The following USP44 variants were observed in gnomAD, a reference collection of about 807,000 sequenced individuals.
USP44 encodes ubiquitin specific peptidase 44.
In USP44, 61 loss-of-function variants were observed where a neutral mutation model predicts 69.0. That is an observed-to-expected ratio of 0.88 (90% CI 0.72 to 1.09). The LOEUF is 1.09. Ranked by LOEUF, USP44 falls within the 50% of genes least tolerant of loss-of-function variation. The pLI is 0.00. For missense variants in USP44, 753 were observed against 849.9 expected (o/e 0.89, Z 1.42); for synonymous variants, 297 against 295.4 (o/e 1.01, Z -0.06).
chr12:95,525,078 T>C (rs2076793312), intron 3 of USP44, among the ~76,000 whole-genome samples: 2 of 152,212 alleles, frequency 1.3e-5, no homozygotes, highest in South Asian at 4.1e-4. Flanking sequence ...AATATTTTTA[T>C]TTATTTATTT....
chr12:95,533,878 C>T lies in USP44; in HGVS notation c.379G>A (p.Asp127Asn). 6.2e-7 allele frequency: 1 copy of T among 1,614,162 alleles called. No homozygotes were observed. The highest frequency in any genetic ancestry group is 8.5e-7 in the Non-Finnish European group (1 of 1,180,026). The change falls in exon 2 of 6, where the codon GAT becomes AAT. Residue 127 changes from aspartate (D) to asparagine (N), a missense_variant. Physicochemically the swap from Asp to Asn is conservative, Grantham distance 23 (BLOSUM62 1). Transcript: ENST00000258499. ...CCGTCATGTAAGAAATAAGAATCAT[C>T]ACCTGTACCCATGGACCGTAAAAAC... is the stretch of plus-strand genomic sequence containing the variant. Reference protein sequence around the residue: ...GRFLRSMGTGDDSYFLHDGAQ... With the variant: ...GRFLRSMGTGNDSYFLHDGAQ...
chr12:95,527,008 G>C lies in USP44; in HGVS notation c.1624+1799C>G, dbSNP rs191779631. On this transcript the variant is annotated intron_variant, in intron 3 of 5. Transcript: ENST00000258499. ...TGAGATTTTGGTGCACCCAACACCT[G>C]AGCAGGGTACACTGTACCCAATGTG... is the stretch of plus-strand genomic sequence containing the variant. Among the ~76,000 whole-genome samples, 8 of 151,948 alleles carry C rather than the reference G, an allele frequency of 5.3e-5. No homozygotes were observed. The East Asian group carries it at 1.4e-3, about 26-fold the overall frequency.
Position 95,528,824 on chromosome 12 carries a change from A to G in USP44, c.1607T>C (p.Val536Ala), listed in dbSNP as rs368059845. The G allele has an allele frequency of 6.2e-7, 1 of 1,613,898 alleles. No individual in the cohort carries two copies. Among genetic ancestry groups the G allele is most frequent in the Non-Finnish European group, 8.5e-7 (1 of 1,179,972 alleles). Residue 536 changes from valine (V) to alanine (A), a missense_variant, in exon 3 of 6, where the codon GTA (valine) becomes GCA (alanine). Coordinates refer to ENST00000258499, the MANE Select transcript of USP44 (RefSeq NM_032147.5). ...TTACTCACAGTTACACTGGTCACAT[A>G]CGTAGATTTTTCCTTCTAAAGCTTC... ...ETEALEGKIY[V>A]CDQCNSKRRR...
intron 3 of USP44, among the ~76,000 whole-genome samples, chr12:95,528,503 T>C (rs953414895): frequency 1.2e-4 from 19 of 152,254 alleles, no homozygotes; most frequent in Non-Finnish European, 2.1e-4. Context: ...CTACATGACA[T>C]GCTTTCCTTT....
intron 1 of USP44, among the ~76,000 whole-genome samples, chr12:95,544,046 A>T (rs1592747869): frequency 7.9e-6 from 1 of 126,778 alleles, no homozygotes; most frequent in Non-Finnish European, 1.6e-5. Context: ...AATTTTAGTT[A>T]TCTTTTTTTT....
chr12:95,539,448 G>A lies in USP44; in HGVS notation c.-70-5122C>T, dbSNP rs1011172356. On this transcript the variant is annotated intron_variant, in intron 1 of 5. Transcript: ENST00000258499. Reference sequence around the variant, plus strand: ...TCACCATGTTAGCCAGGATGGTCTCGATCTCCTGACCTTGTGATCTGCCCG... The same window carrying A: ...TCACCATGTTAGCCAGGATGGTCTCAATCTCCTGACCTTGTGATCTGCCCG... Among the ~76,000 whole-genome samples the A allele has an allele frequency of 4.6e-5, 7 of 152,142 alleles. No individual in the cohort carries two copies. In the South Asian group the frequency reaches 8.3e-4, roughly 18 times the overall value.
At position 95,532,933 on chromosome 12, in the gene USP44, T is replaced by A. The variant is rs762849709; in HGVS notation, c.1324A>T (p.Thr442Ser). The A allele has an allele frequency of 4.3e-6, 7 of 1,614,186 alleles. No homozygotes were observed. The change falls in exon 2 of 6, where the codon ACT (threonine) becomes TCT (serine). Residue 442 changes from threonine to serine, a missense_variant. By Grantham distance (58) the Thr-to-Ser change is moderately conservative (BLOSUM62 1). Coordinates refer to ENST00000258499, the MANE Select transcript of USP44 (RefSeq NM_032147.5). ...LDKIQRELET[T>S]GTSLPALIPT... ...ATAAGAGCTGGTAAACTGGTACCAGTTGTCTCTAATTCACGTTGTATTTTA... is the reference window on the plus strand; with the variant it reads ...ATAAGAGCTGGTAAACTGGTACCAGATGTCTCTAATTCACGTTGTATTTTA...
intron 4 of USP44, among the ~76,000 whole-genome samples, chr12:95,523,689 C>CAAAAAAAAAAA (rs927669685): frequency 0.046 from 4,026 of 87,712 alleles, 104 homozygotes; most frequent in Non-Finnish European, 0.08. Context: ...CTGTCTCTAC[C>CAAAAAAAAAAA]AAAAAAAAAA....
intron 1 of USP44, chr12:95,546,313 T>C (rs1453004898): frequency 6.6e-6 from 1 of 152,192 alleles, no homozygotes; most frequent in Non-Finnish European, 1.5e-5. Context: ...AGCAAGTATA[T>C]CGTTAGACTA....
At chr12:95,542,670 G>A (rs2077427089) in intron 1 of USP44, among the ~76,000 whole-genome samples, 3 of 151,770 alleles carry the variant, frequency 2.0e-5, no homozygotes, top group South Asian at 2.1e-4. Flanking sequence ...GCTGAGGCAG[G>A]AGAATCACTT....
intron 2 of USP44, among the ~76,000 whole-genome samples, chr12:95,531,526 A>C (rs974836874): frequency 3.9e-5 from 6 of 152,210 alleles, no homozygotes; most frequent in African/African-American, 1.4e-4. Flanking sequence ...ACTCTGTAAC[A>C]GTGTATTTTA....
intron 1 of USP44, chr12:95,535,576 T>G (rs1246028376): frequency 1.3e-5 from 2 of 152,226 alleles, no homozygotes; most frequent in Non-Finnish European, 2.9e-5. Context: ...TAAACCTATC[T>G]GAAATTATAA....
rs560143897 is a variant in USP44 at position 95,520,470 on chromosome 12, C to T, written c.1939+527G>A. 2.8e-4 allele frequency among the ~76,000 whole-genome samples: 43 copies of T among 151,666 alleles called. 1 individual carries two copies. The South Asian group carries it at 7.3e-3, about 26-fold the overall frequency. On this transcript the variant is annotated intron_variant, in intron 5 of 5. Coordinates refer to ENST00000258499, the MANE Select transcript of USP44 (RefSeq NM_032147.5). ...TCGTCCCACTGCACTCCAGCCTGGG[C>T]GACAGAGCGAGACTCCATCTCACAA...
At chr12:95,537,553 G>A (rs1409642147) in intron 1 of USP44, among the ~76,000 whole-genome samples, 4 of 152,042 alleles carry the variant, frequency 2.6e-5, no homozygotes, top group Admixed American at 1.3e-4. Context: ...TCCCGACCTC[G>A]TGACCTGCCT....
chr12:95,540,094 A>T (rs1216005475), intron 1 of USP44, among the ~76,000 whole-genome samples: 5 of 151,948 alleles, frequency 3.3e-5, no homozygotes, highest in Admixed American at 2.6e-4. Context: ...CTGATAATGA[A>T]CTCATCCTAC....
intron 4 of USP44, among the ~76,000 whole-genome samples, chr12:95,523,689 CAAAA>C (rs927669685): frequency 1.1e-5 from 1 of 89,188 alleles, no homozygotes. Context: ...CTGTCTCTAC[CAAAA>C]AAAAAAAAAA....
In USP44 at chr12:95,516,686, C is replaced by A. The variant is rs796812968; in HGVS notation, c.*1468G>T. 11 of 152,212 alleles carry A rather than the reference C, an allele frequency of 7.2e-5. No homozygotes were observed. The highest frequency in any genetic ancestry group is 2.6e-4 in the African/African-American group (11 of 41,536). The allele number at this position is 152,212 out of a possible 1,614,324, so 9.4% of individuals were successfully genotyped here. On this transcript the variant is annotated 3_prime_UTR_variant, in exon 6 of 6. Coordinates refer to ENST00000258499, the MANE Select transcript of USP44 (RefSeq NM_032147.5). ...TAATATTCCAGATGTATTTTCGGCA[C>A]AAATGATTTGTCTATTCAGTGATAA...
intron 1 of USP44, among the ~76,000 whole-genome samples, chr12:95,543,743 G>A (rs1290021952): frequency 6.6e-6 from 1 of 151,760 alleles, no homozygotes; most frequent in Non-Finnish European, 1.5e-5. Flanking sequence ...GAGGCGGGCA[G>A]ATCACGAGGT....
At chr12:95,526,873 A>AAAT (rs760453843) in intron 3 of USP44, among the ~76,000 whole-genome samples, 81 of 152,270 alleles carry the variant, frequency 5.3e-4, no homozygotes, top group Non-Finnish European at 8.4e-4. Context: ...TATATAGTAT[A>AAAT]AATACTAAGA....
Sources: allele counts gnomAD v4.1 joint callset (sites outside exome capture counted in the v4.1 genomes callset), GRCh38; gene constraint gnomAD v4.1.1; transcripts MANE v1.5; gene names NCBI Gene and HGNC (gene_info 2026-07-23, HGNC 2026-07-21).